The following TXNDC5 variants were observed in gnomAD, a reference collection of about 807,000 sequenced individuals.
TXNDC5 encodes the protein thioredoxin domain-containing protein 5.
Under a neutral mutation model 52.6 loss-of-function variants are expected in TXNDC5, and 44 were observed. The ratio of observed to expected loss-of-function variants is 0.84; its 90% CI spans 0.66 to 1.08. TXNDC5 has a LOEUF of 1.08. Ranked by LOEUF, TXNDC5 falls within the 50% of genes least tolerant of loss-of-function variation. The pLI is 0.00. For synonymous variants in TXNDC5, 241 were observed against 234.4 expected, an observed-to-expected ratio of 1.03 and a Z score of -0.26; for missense variants, 600 against 565.5, an observed-to-expected ratio of 1.06 and a Z score of -0.62.
chr6:7,883,441 C>T (rs541968133), intron 9 of TXNDC5, among the ~76,000 whole-genome samples, 175 bp from the exon 10 acceptor site: 2 of 152,264 alleles, frequency 1.3e-5, no homozygotes, highest in East Asian at 1.9e-4. Flanking sequence ...AAAGCACAGC[C>T]GTGGGGCTGT....
chr6:7,889,471 C>T, intron 6 of TXNDC5, 24 bp downstream of exon 6: 1 of 1,598,132 alleles, frequency 6.3e-7, no homozygotes. Flanking sequence ...GAAGAATTCT[C>T]AGTACTAAGA....
chr6:7,906,741 T>C (rs1195530615), intron 1 of TXNDC5, among the ~76,000 whole-genome samples: 1 of 151,348 alleles, frequency 6.6e-6, no homozygotes, highest in East Asian at 1.9e-4. Flanking sequence ...AGTGAGTTTA[T>C]GTGGCGGGGG....
intron 4 of TXNDC5, among the ~76,000 whole-genome samples, chr6:7,893,916 C>T (rs1192304827): frequency 1.3e-5 from 2 of 152,190 alleles, no homozygotes; most frequent in Non-Finnish European, 2.9e-5. Context: ...GCTTTCAAGT[C>T]ATTCGGTGTT....
chr6:7,889,013 G>A, intron 6 of TXNDC5, 165 bp from the exon 7 acceptor site: 1 of 856,592 alleles, frequency 1.2e-6, no homozygotes, highest in Non-Finnish European at 1.7e-6. Context: ...GAGGATAACT[G>A]AATGCCTCGG....
intron 7 of TXNDC5, among the ~76,000 whole-genome samples, chr6:7,886,465 C>T (rs563048135): frequency 1.1e-4 from 17 of 152,222 alleles, no homozygotes; most frequent in Admixed American, 4.6e-4. Context: ...GAAGTCTCAT[C>T]CTCAGCCGCT....
chr6:7,898,826 G>T (rs1402621152), intron 3 of TXNDC5, among the ~76,000 whole-genome samples: 1 of 152,070 alleles, frequency 6.6e-6, no homozygotes, highest in East Asian at 1.9e-4. Flanking sequence ...GGAGGGGGAG[G>T]ATTATAAATC....
chr6:7,895,596 A>G (rs954413143), intron 3 of TXNDC5, among the ~76,000 whole-genome samples: 6 of 152,174 alleles, frequency 3.9e-5, no homozygotes, highest in Non-Finnish European at 8.8e-5. Flanking sequence ...ACAACGCCCA[A>G]TGGACGTATT....
Position 7,884,360 on chromosome 6 carries a change from GA to G in TXNDC5, c.1174del (p.Ser392ArgfsTer34). The G allele has an allele frequency of 6.2e-7, 1 of 1,613,968 alleles. No individual in the cohort carries two copies. The highest frequency in any genetic ancestry group is 8.5e-7 in the Non-Finnish European group (1 of 1,179,920). ...TAERNICSKY[S>X]VRGYPTLLLF... The stretch of plus-strand genomic sequence containing the variant: ...ATAAGCATCCATCCAAGTACCCACC[GA>G]ATACTTGCTGCAGATATTCCGTTCA... On this transcript the variant is annotated frameshift_variant and splice_region_variant, in exon 9 of 10. Transcript: ENST00000379757. LOFTEE classifies it high-confidence loss of function.
intron 1 of TXNDC5, among the ~76,000 whole-genome samples, chr6:7,906,535 CAAAAAAAAAA>C (rs1207193194): frequency 4.7e-4 from 20 of 42,572 alleles, no homozygotes; most frequent in Admixed American, 9.5e-4. Context: ...GACTCCATCT[CAAAAAAAAAA>C]AAAAAAAAAA....
In TXNDC5 at chr6:7,910,626, CG is replaced by C. The variant is rs1581336107; in HGVS notation, c.150del (p.Ala51ArgfsTer89). The part of the protein sequence containing the change: ...EAAAAAADGP[P>X]AADGEDGQDP... ...TCCTGTCCGTCCTCGCCGTCTGCCG[CG>C]GGGGGCCCGTCCGCCGCCGCCGCCG... On this transcript the variant is annotated frameshift_variant, in exon 1 of 10. Coordinates refer to ENST00000379757, the MANE Select transcript of TXNDC5 (RefSeq NM_030810.5). LOFTEE classifies it high-confidence loss of function. The C allele has an allele frequency of 1.1e-5, 14 of 1,245,430 alleles. No homozygotes were observed. Among genetic ancestry groups the C allele is most frequent in the South Asian group, 3.4e-5 (2 of 59,628 alleles). 77.1% of individuals were successfully genotyped at this position (1,245,430 alleles called of 1,614,324 possible).
chr6:7,901,181 C>A (rs1047992862), intron 2 of TXNDC5, among the ~76,000 whole-genome samples: 1 of 152,130 alleles, frequency 6.6e-6, no homozygotes, highest in Non-Finnish European at 1.5e-5. Context: ...GCCAGTACAC[C>A]GGCTACGTCA....
chr6:7,910,333 G>A (rs917194769), intron 1 of TXNDC5, among the ~76,000 whole-genome samples, 181 bp downstream of exon 1: 8 of 142,668 alleles, frequency 5.6e-5, no homozygotes, highest in Admixed American at 2.1e-4. Flanking sequence ...TCCCGGCCCC[G>A]CGCCCCCAGT....
At chr6:7,887,839 G>T (rs1224302291) in intron 7 of TXNDC5, among the ~76,000 whole-genome samples, 1 of 152,088 alleles carries the variant, frequency 6.6e-6, no homozygotes, top group Non-Finnish European at 1.5e-5. Flanking sequence ...CTGCAGAAAT[G>T]CCGGCTGATT....
intron 1 of TXNDC5, among the ~76,000 whole-genome samples, chr6:7,906,093 T>G (rs1760719069): frequency 6.8e-6 from 1 of 147,968 alleles, no homozygotes; most frequent in South Asian, 2.1e-4. Flanking sequence ...TTTAAAAAAT[T>G]AGCCTGGTGT....
intron 3 of TXNDC5, among the ~76,000 whole-genome samples, chr6:7,895,532 T>C (rs1344886592): frequency 1.3e-5 from 2 of 152,208 alleles, no homozygotes; most frequent in East Asian, 3.8e-4. Context: ...TCTTACCCTA[T>C]ACCCTGTCCT....
chr6:7,899,769 A>C, intron 2 of TXNDC5, 88 bp from the exon 3 acceptor site: 1 of 1,041,006 alleles, frequency 9.6e-7, no homozygotes, highest in South Asian at 1.5e-5. Context: ...TCAGAAAATG[A>C]GCTGTCAAGG....
chr6:7,904,799 A>C (rs1760683031), intron 1 of TXNDC5, 76 bp from the exon 2 acceptor site: 1 of 1,572,752 alleles, frequency 6.4e-7, no homozygotes, highest in African/African-American at 1.3e-5. Context: ...AGCTCTGTCC[A>C]GGGGACAATG....
At chr6:7,904,502 CAA>C in intron 2 of TXNDC5, 70 bp downstream of exon 2, 1 of 1,579,620 alleles carries the variant, frequency 6.3e-7, no homozygotes. Context: ...ACACCTTTAC[CAA>C]AAGTTTAACT....
At chr6:7,893,067 A>G (rs2113339944) in intron 4 of TXNDC5, among the ~76,000 whole-genome samples, 1 of 152,348 alleles carries the variant, frequency 6.6e-6, no homozygotes, top group South Asian at 2.1e-4. Flanking sequence ...AAAAAGTTTA[A>G]AAAATGAAAC....
Sources: gnomAD v4.1 joint callset for allele counts (sites outside exome capture counted in the v4.1 genomes callset) on GRCh38, gnomAD v4.1.1 for gene constraint, MANE v1.5 for transcripts, NCBI Gene and HGNC (gene_info 2026-07-23, HGNC 2026-07-21) for gene names.